The following SPRYD7 variants were observed in gnomAD, a reference collection of about 807,000 sequenced individuals.
SPRYD7 encodes SPRY domain-containing protein 7.
SPRYD7 carries 14 observed loss-of-function variants against 23.8 expected under a neutral mutation model. That is an observed-to-expected ratio of 0.59 (90% confidence interval 0.39 to 0.92). The LOEUF is 0.92. Among genes scored for constraint, SPRYD7 ranks in the 40% least tolerant of loss-of-function variants. SPRYD7 has a pLI of 0.00. For missense variants in SPRYD7, 194 were observed against 241.7 expected (o/e 0.80, Z 1.31); for synonymous variants, 75 against 84.9 (o/e 0.88, Z 0.64).
intron 4 of SPRYD7, among the ~76,000 whole-genome samples, chr13:49,916,457 T>C (rs1360209125): frequency 6.6e-6 from 1 of 152,002 alleles, no homozygotes; most frequent in Non-Finnish European, 1.5e-5. Context: ...GGCAGCTGAA[T>C]TGGGTTGCAG....
At chr13:49,931,736 T>G (rs1871384890) in intron 1 of SPRYD7, among the ~76,000 whole-genome samples, 2 of 151,644 alleles carry the variant, frequency 1.3e-5, no homozygotes. Context: ...ACTGCTTGAG[T>G]GCAGGAAGTC....
chr13:49,936,048 G>T, intron 1 of SPRYD7, 82 bp downstream of exon 1: 1 of 883,590 alleles, frequency 1.1e-6, no homozygotes, highest in Non-Finnish European at 1.6e-6. Flanking sequence ...GCAGCGTGGG[G>T]ACCCTCTGAC....
intron 4 of SPRYD7, among the ~76,000 whole-genome samples, chr13:49,918,194 C>T (rs866267268): frequency 2.6e-5 from 4 of 152,028 alleles, no homozygotes; most frequent in Non-Finnish European, 5.9e-5. Flanking sequence ...TCTCAAGTAG[C>T]TGGGACTACA....
chr13:49,933,767 A>G (rs993701945), intron 1 of SPRYD7, among the ~76,000 whole-genome samples: 2 of 152,186 alleles, frequency 1.3e-5, no homozygotes, highest in Non-Finnish European at 2.9e-5. Flanking sequence ...AAATTTGAGT[A>G]CAGCCAGAAT....
At chr13:49,927,714 C>A (rs1955898256) in intron 3 of SPRYD7, among the ~76,000 whole-genome samples, 2 of 152,174 alleles carry the variant, frequency 1.3e-5, no homozygotes, top group South Asian at 2.1e-4. Flanking sequence ...ATTTTCCCAG[C>A]CAGTGGCAGC....
intron 4 of SPRYD7, among the ~76,000 whole-genome samples, chr13:49,920,604 C>T (rs76198235): frequency 0.042 from 6,446 of 152,182 alleles, 145 homozygotes; most frequent in South Asian, 0.09. Flanking sequence ...ACATGGGGAA[C>T]AGAAACTATC....
chr13:49,936,279 G>C lies in SPRYD7; in HGVS notation c.-44C>G. On this transcript the variant is annotated 5_prime_UTR_variant, in exon 1 of 5. Coordinates refer to ENST00000361840, the MANE Select transcript of SPRYD7 (RefSeq NM_020456.4). ...TCCGCCGCCGTCCCTAGACCGAGGC[G>C]ACACTGCCCCCCGCCGCTCAGCTCC... 1 of 1,420,304 alleles carries C rather than the reference G, an allele frequency of 7.0e-7. No homozygotes were observed. The highest frequency in any genetic ancestry group is 9.6e-7 in the Non-Finnish European group (1 of 1,038,358). 88.0% of individuals were successfully genotyped at this position (1,420,304 alleles called of 1,614,324 possible). A position where few individuals can be genotyped will look rare whatever the true frequency, so the allele number is the denominator to read the frequency against.
intron 4 of SPRYD7, among the ~76,000 whole-genome samples, chr13:49,919,203 GC>G (rs973222356): frequency 6.6e-6 from 1 of 151,346 alleles, no homozygotes. Context: ...GATCACTTGA[GC>G]TCAGGAGTTC....
chr13:49,917,197 C>T (rs979797806), intron 4 of SPRYD7, among the ~76,000 whole-genome samples: 3 of 152,054 alleles, frequency 2.0e-5, no homozygotes, highest in East Asian at 1.9e-4. Flanking sequence ...TCCGCCTCCC[C>T]GGTTCACGCT....
intron 3 of SPRYD7, among the ~76,000 whole-genome samples, chr13:49,926,290 G>A (rs1336693538): frequency 6.6e-6 from 1 of 152,208 alleles, no homozygotes; most frequent in Non-Finnish European, 1.5e-5. Context: ...AGATAGGAAG[G>A]CAGGTAGAAG....
Position 49,928,133 on chromosome 13 carries a change from C to T in SPRYD7, c.224-48G>A. 2.0e-6 allele frequency: 3 copies of T among 1,529,844 alleles called. No homozygotes were observed. In the Middle Eastern group the frequency reaches 5.2e-4, roughly 264 times the overall value. 94.8% of individuals were successfully genotyped at this position (1,529,844 alleles called of 1,614,324 possible). A position where few individuals can be genotyped will look rare whatever the true frequency, so the allele number is the denominator to read the frequency against. On this transcript the variant is annotated intron_variant, in intron 2 of 4. Transcript: ENST00000361840. ...GCCCTCAAAATCTGAAGACTACAAC[C>T]ATCGAGTTATTTTAAAAGGGAGTAT...
intron 4 of SPRYD7, among the ~76,000 whole-genome samples, chr13:49,919,800 G>A (rs867466636): frequency 9.0e-5 from 13 of 144,968 alleles, no homozygotes; most frequent in Admixed American, 2.7e-4. Context: ...TTGTGGTTAT[G>A]TTTTTCTAAA....
At chr13:49,931,422 C>T (rs1214863386) in intron 1 of SPRYD7, among the ~76,000 whole-genome samples, 9 of 152,050 alleles carry the variant, frequency 5.9e-5, no homozygotes, top group African/African-American at 1.9e-4. Flanking sequence ...CCTCGTGATC[C>T]GCCCACCTTG....
rs77996003 is a variant in SPRYD7 at position 49,923,222 on chromosome 13, C to T, written c.391-1642G>A. On this transcript the variant is annotated intron_variant, in intron 3 of 4. Transcript: ENST00000361840. ...TCCAGGCACTTTCATCCCCCAGTGG[C>T]CGATTGCAAACAAACAAGTTTGTTT... 1.1e-3 allele frequency among the ~76,000 whole-genome samples: 160 copies of T among 152,036 alleles called. 1 individual carries two copies. The highest frequency in any genetic ancestry group is 3.7e-3 in the African/African-American group (155 of 41,514).
At chr13:49,923,705 C>T (rs1473821539) in intron 3 of SPRYD7, among the ~76,000 whole-genome samples, 1 of 151,726 alleles carries the variant, frequency 6.6e-6, no homozygotes, top group East Asian at 1.9e-4. Context: ...CAGGCTGGAG[C>T]GCAGTGGCGC....
chr13:49,922,325 T>C (rs943380767), intron 3 of SPRYD7, among the ~76,000 whole-genome samples: 1 of 149,120 alleles, frequency 6.7e-6, no homozygotes, highest in African/African-American at 2.4e-5. Flanking sequence ...TGTATAAATA[T>C]AAATTATTTA....
At position 49,918,118 on chromosome 13, in the gene SPRYD7, G is replaced by A. The variant is rs544001050; in HGVS notation, c.494-2958C>T. On this transcript the variant is annotated intron_variant, in intron 4 of 4. Coordinates refer to ENST00000361840, the MANE Select transcript of SPRYD7 (RefSeq NM_020456.4). Reference sequence around the variant, plus strand: ...TCTGGTGCCAAGGCTGGAGTGCAGCGGCACGATGATCACTGCTCACAGGAG... The same window carrying A: ...TCTGGTGCCAAGGCTGGAGTGCAGCAGCACGATGATCACTGCTCACAGGAG... Among the ~76,000 whole-genome samples, 34 of 152,130 alleles carry A rather than the reference G, an allele frequency of 2.2e-4. No individual in the cohort carries two copies. In the East Asian group the frequency reaches 5.4e-3, roughly 24 times the overall value.
At chr13:49,920,916 G>A (rs568768958) in intron 4 of SPRYD7, among the ~76,000 whole-genome samples, 120 of 152,118 alleles carry the variant, frequency 7.9e-4, no homozygotes, top group African/African-American at 2.8e-3. Context: ...AGCTGAGATC[G>A]TGTCACTGCA....
At chr13:49,916,519 T>C (rs1167238156) in intron 4 of SPRYD7, among the ~76,000 whole-genome samples, 5 of 151,164 alleles carry the variant, frequency 3.3e-5, no homozygotes, top group African/African-American at 1.2e-4. Flanking sequence ...CTTGAGCTAG[T>C]CAAGTAATCT....
Sources: allele counts gnomAD v4.1 joint callset (sites outside exome capture counted in the v4.1 genomes callset), GRCh38; gene constraint gnomAD v4.1.1; transcripts MANE v1.5; gene names NCBI Gene and HGNC (gene_info 2026-07-23, HGNC 2026-07-21).